Variants in GRM7 observed in about 807,000 individuals in gnomAD.
GRM7 encodes metabotropic glutamate receptor 7.
In GRM7, 35 loss-of-function variants were observed where a neutral mutation model predicts 84.5. The ratio of observed to expected loss-of-function variants is 0.41; its 90% CI spans 0.32 to 0.55. The LOEUF is 0.55. Among genes scored for constraint, GRM7 ranks in the 20% least tolerant of loss-of-function variants. GRM7 has a pLI of 0.19. For missense variants in GRM7, 1,003 were observed against 1,194.6 expected, an observed-to-expected ratio of 0.84 and a Z score of 2.36; for synonymous variants, 487 against 455.1, an observed-to-expected ratio of 1.07 and a Z score of -0.89.
At chr3:7,461,852 G>A (rs1698261924) in intron 7 of GRM7, 130 bp downstream of exon 7, 4 of 773,612 alleles carry the variant, frequency 5.2e-6, no homozygotes, top group South Asian at 1.7e-5. Flanking sequence ...TTTGTTGTGG[G>A]CATCAGCAGG....
intron 2 of GRM7, among the ~76,000 whole-genome samples, chr3:7,187,596 C>T (rs1259584927): frequency 1.3e-5 from 2 of 151,902 alleles, no homozygotes; most frequent in Admixed American, 1.3e-4. Context: ...GTGATTGCTC[C>T]TGCAGAGCAG....
At chr3:7,463,110 C>T (rs1698274005) in intron 7 of GRM7, among the ~76,000 whole-genome samples, 1 of 101,712 alleles carries the variant, frequency 9.8e-6, no homozygotes, top group Non-Finnish European at 2.6e-5. Context: ...GGGTCAGCCT[C>T]AAATAAAGGT....
At chr3:7,297,352 ATACTT>A (rs1308279585) in intron 2 of GRM7, among the ~76,000 whole-genome samples, 5 of 152,126 alleles carry the variant, frequency 3.3e-5, no homozygotes, top group East Asian at 1.9e-4. Flanking sequence ...TACTGAGAAA[ATACTT>A]TATATTATTT....
intron 9 of GRM7, among the ~76,000 whole-genome samples, chr3:7,703,415 G>T (rs955966313): frequency 6.7e-6 from 1 of 149,596 alleles, no homozygotes; most frequent in African/African-American, 2.5e-5. Context: ...TCTTATGAGG[G>T]TTCATTGAAA....
intron 7 of GRM7, among the ~76,000 whole-genome samples, chr3:7,489,464 T>A (rs1699443717): frequency 6.6e-6 from 1 of 152,172 alleles, no homozygotes; most frequent in Non-Finnish European, 1.5e-5. Flanking sequence ...GGAGGCAGTG[T>A]TAGGATTTAG....
intron 1 of GRM7, among the ~76,000 whole-genome samples, chr3:6,876,579 G>A (rs1695312207): frequency 6.7e-6 from 1 of 149,846 alleles, no homozygotes; most frequent in Non-Finnish European, 1.5e-5. Context: ...TGACTGATAA[G>A]TCAGAGGTTT....
chr3:7,282,685 T>G (rs949737472), intron 2 of GRM7, among the ~76,000 whole-genome samples: 15 of 152,220 alleles, frequency 9.9e-5, no homozygotes, highest in Non-Finnish European at 2.1e-4. Context: ...ACTTAACAAA[T>G]GTAGGTAATG....
At chr3:6,976,749 T>C (rs905775926) in intron 1 of GRM7, among the ~76,000 whole-genome samples, 10 of 152,156 alleles carry the variant, frequency 6.6e-5, no homozygotes, top group African/African-American at 2.4e-4. Context: ...ATGAGTTCAC[T>C]TTTTCTTTCA....
chr3:7,536,249 A>T (rs1432633851), intron 7 of GRM7, among the ~76,000 whole-genome samples: 1 of 152,178 alleles, frequency 6.6e-6, no homozygotes, highest in Non-Finnish European at 1.5e-5. Context: ...CCCAGGAAGC[A>T]TGGTAAGATA....
At chr3:7,270,181 C>G (rs888455948) in intron 2 of GRM7, among the ~76,000 whole-genome samples, 2 of 152,128 alleles carry the variant, frequency 1.3e-5, no homozygotes, top group Non-Finnish European at 2.9e-5. Flanking sequence ...CTTAGCATGT[C>G]GTCATTTCTT....
At chr3:7,390,508 T>G (rs925891516) in intron 4 of GRM7, among the ~76,000 whole-genome samples, 1 of 152,144 alleles carries the variant, frequency 6.6e-6, no homozygotes, top group African/African-American at 2.4e-5. Context: ...TTATATAATT[T>G]TATATTTCTT....
rs189331108 is a variant in GRM7, at chr3:7,546,944, A to G, written c.1516-31478A>G. Among the ~76,000 whole-genome samples, 103 of 152,306 alleles carry G rather than the reference A, an allele frequency of 6.8e-4. 1 individual carries two copies. The East Asian group carries it at 0.019, about 28-fold the overall frequency. Reference sequence around the variant, plus strand: ...TTGTTTGCCAGTTGAGTTATACTCTATTTAGTAAACAGCTCTTTTTTGGGA... The same window carrying G: ...TTGTTTGCCAGTTGAGTTATACTCTGTTTAGTAAACAGCTCTTTTTTGGGA... On this transcript the variant is annotated intron_variant, in intron 7 of 9. Transcript: ENST00000357716.
At chr3:7,522,948 T>C (rs1231957688) in intron 7 of GRM7, among the ~76,000 whole-genome samples, 1 of 152,120 alleles carries the variant, frequency 6.6e-6, no homozygotes, top group African/African-American at 2.4e-5. Context: ...CTTTCTCTCT[T>C]TCCCTTTGCA....
At chr3:7,172,124 T>C (rs1695003414) in intron 2 of GRM7, among the ~76,000 whole-genome samples, 2 of 152,132 alleles carry the variant, frequency 1.3e-5, no homozygotes, top group South Asian at 4.1e-4. Flanking sequence ...AATAATACAG[T>C]GTCAGTAAGA....
intron 4 of GRM7, among the ~76,000 whole-genome samples, chr3:7,374,581 C>T (rs956817030): frequency 9.2e-5 from 14 of 151,612 alleles, no homozygotes; most frequent in African/African-American, 2.7e-4. Context: ...AGGGTTCAAG[C>T]GATTCTTCTG....
rs994430278 is a variant in GRM7, at chr3:7,000,083, A to G, written c.519+138176A>G. Among the ~76,000 whole-genome samples, 3 of 152,122 alleles carry G rather than the reference A, an allele frequency of 2.0e-5. No individual in the cohort carries two copies. In the South Asian group the frequency reaches 6.2e-4, roughly 32 times the overall value. On this transcript the variant is annotated intron_variant, in intron 1 of 9. Transcript: ENST00000357716. ...ACAGGAGTTTACATAATATTTTTCA[A>G]GATTTGTTCTCTCATGCTAAAGTTT...
chr3:7,143,966 T>C (rs1048244283), intron 1 of GRM7, among the ~76,000 whole-genome samples: 13 of 152,178 alleles, frequency 8.5e-5, no homozygotes, highest in African/African-American at 2.9e-4. Context: ...CTAAAACTTA[T>C]AATCTCCAAA....
At chr3:6,900,906 T>G (rs1469327245) in intron 1 of GRM7, among the ~76,000 whole-genome samples, 2 of 152,176 alleles carry the variant, frequency 1.3e-5, no homozygotes, top group Admixed American at 1.3e-4. Context: ...CAGTGCAACA[T>G]TCACAGTATT....
At chr3:6,930,567 C>T (rs2125044220) in intron 1 of GRM7, among the ~76,000 whole-genome samples, 1 of 152,114 alleles carries the variant, frequency 6.6e-6, no homozygotes, top group African/African-American at 2.4e-5. Context: ...CTGAGTTTAG[C>T]TCTTACTAAA....
Sources: allele counts gnomAD v4.1 joint callset (sites outside exome capture counted in the v4.1 genomes callset), GRCh38; gene constraint gnomAD v4.1.1; transcripts MANE v1.5; gene names NCBI Gene and HGNC (gene_info 2026-07-23, HGNC 2026-07-21).